The following SCUBE1 variants were observed in gnomAD, a reference collection of about 807,000 sequenced individuals.
The protein encoded by SCUBE1 is signal peptide, CUB domain and EGF like domain containing 1.
Under a neutral mutation model 124.4 loss-of-function variants are expected in SCUBE1, and 59 were observed. The observed-to-expected ratio is 0.47, with a 90% CI of 0.38 to 0.59. The LOEUF is 0.59. Ranked by LOEUF, SCUBE1 falls within the 20% of genes least tolerant of loss-of-function variation. The pLI is 0.00. For missense variants in SCUBE1, 1,150 were observed against 1,371.2 expected (o/e 0.84, Z 2.55); for synonymous variants, 545 against 550.9 (o/e 0.99, Z 0.15).
Position 43,227,351 on chromosome 22 carries a change from A to G in SCUBE1, c.1207+23T>C, listed in dbSNP as rs766663561. The G allele has an allele frequency of 1.1e-5, 17 of 1,601,688 alleles. No homozygotes were observed. In the African/African-American group the frequency reaches 2.1e-4, roughly 20 times the overall value. On this transcript the variant is annotated intron_variant, in intron 10 of 21. Coordinates refer to ENST00000360835, the MANE Select transcript of SCUBE1 (RefSeq NM_173050.5). ...CAAGCCCAGGTGCAGGGGAGGGGCC[A>G]GCAGCACAGGGCGGCCACCTACCCA...
rs1359955278 is a variant in SCUBE1 at position 43,198,165 on chromosome 22, A to C, written c.*5832T>G. ...GGGGGATGGAATGTGTGGATATTAG[A>C]GGGTTGAGCCCAGAGCCTGGCACCC... On this transcript the variant is annotated 3_prime_UTR_variant, in exon 22 of 22. Transcript: ENST00000360835. 6 of 234,104 alleles carry C rather than the reference A, an allele frequency of 2.6e-5. No individual in the cohort carries two copies. The highest frequency in any genetic ancestry group is 4.5e-5 in the African/African-American group (2 of 44,018). The allele number at this position is 234,104 out of a possible 1,614,324, so 14.5% of individuals were successfully genotyped here. A position where few individuals can be genotyped will look rare whatever the true frequency, so the allele number is the denominator to read the frequency against.
At chr22:43,314,448 T>C (rs900734773) in intron 3 of SCUBE1, among the ~76,000 whole-genome samples, 5 of 151,640 alleles carry the variant, frequency 3.3e-5, no homozygotes, top group Admixed American at 1.3e-4. Context: ...ACTTTGGGGG[T>C]CCCTGTTCTG....
chr22:43,342,741 C>A (rs1927366546), intron 1 of SCUBE1, among the ~76,000 whole-genome samples: 1 of 152,052 alleles, frequency 6.6e-6, no homozygotes. Flanking sequence ...CACCTCCCGC[C>A]CCGTCCCGGT....
intron 9 of SCUBE1, 75 bp from the exon 10 acceptor site, chr22:43,227,571 G>A (rs1922375802): frequency 1.3e-6 from 2 of 1,562,518 alleles, no homozygotes; most frequent in South Asian, 2.3e-5. Flanking sequence ...ACCACCCAGG[G>A]CAAGAGGGCA....
rs147616473 is a variant in SCUBE1 at position 43,328,750 on chromosome 22, G to A, written c.221-8685C>T. ...ATTCGGTTTCATTCCCTTTCTCTCC[G>A]AATCCCCGGGTGGACTTCCTCTCCA... On this transcript the variant is annotated intron_variant, in intron 2 of 21. Transcript: ENST00000360835. Among the ~76,000 whole-genome samples the A allele has an allele frequency of 4.2e-3, 638 of 152,164 alleles. 6 individuals are homozygous for A. Among genetic ancestry groups the A allele is most frequent in the African/African-American group, 0.014 (600 of 41,500 alleles).
chr22:43,246,660 C>G (rs1923224530), intron 6 of SCUBE1, among the ~76,000 whole-genome samples: 1 of 152,234 alleles, frequency 6.6e-6, no homozygotes, highest in African/African-American at 2.4e-5. Context: ...GAACATTGAA[C>G]ATGTCTGGTT....
At chr22:43,209,801 C>A (rs1043386056) in intron 19 of SCUBE1, among the ~76,000 whole-genome samples, 3 of 152,236 alleles carry the variant, frequency 2.0e-5, no homozygotes, top group Non-Finnish European at 2.9e-5. Flanking sequence ...CATGTCCCAG[C>A]ATCCACTCTC....
chr22:43,334,584 C>T (rs1226575403), intron 2 of SCUBE1, among the ~76,000 whole-genome samples: 1 of 151,506 alleles, frequency 6.6e-6, no homozygotes, highest in Non-Finnish European at 1.5e-5. Context: ...TCACCCTCAT[C>T]AACAGCACCA....
rs2146639667 is a variant in SCUBE1, at chr22:43,198,783, G to A, written c.*5214C>T. 2.2e-6 allele frequency: 1 copy of A among 449,026 alleles called. No individual in the cohort carries two copies. The highest frequency in any genetic ancestry group is 7.0e-5 in the East Asian group (1 of 14,304). The allele number at this position is 449,026 out of a possible 1,614,324, so 27.8% of individuals were successfully genotyped here. A position where few individuals can be genotyped will look rare whatever the true frequency, so the allele number is the denominator to read the frequency against. On this transcript the variant is annotated 3_prime_UTR_variant, in exon 22 of 22. Transcript: ENST00000360835. ...GGGCATGCACTGTGGCAGGCAAGGT[G>A]AGCAGGCTGTCCAGGGCAGCTTGTC...
chr22:43,269,364 C>T (rs763345626), intron 4 of SCUBE1, among the ~76,000 whole-genome samples: 11 of 152,282 alleles, frequency 7.2e-5, no homozygotes, highest in African/African-American at 2.4e-4. Context: ...CGAGCCAGTG[C>T]GTACATCACA....
intron 3 of SCUBE1, among the ~76,000 whole-genome samples, chr22:43,295,580 C>A (rs1347609965): frequency 6.6e-6 from 1 of 152,222 alleles, no homozygotes; most frequent in Admixed American, 6.5e-5. Flanking sequence ...TGTGAGTGGG[C>A]TCTCATAGCC....
intron 3 of SCUBE1, among the ~76,000 whole-genome samples, chr22:43,304,109 T>C (rs1925876100): frequency 6.6e-6 from 1 of 152,190 alleles, no homozygotes; most frequent in Non-Finnish European, 1.5e-5. Context: ...AGAAGTGGGA[T>C]TCCTGGGTCA....
At chr22:43,221,933 G>A (rs959126688) in intron 12 of SCUBE1, among the ~76,000 whole-genome samples, 2 of 152,062 alleles carry the variant, frequency 1.3e-5, no homozygotes, top group Non-Finnish European at 2.9e-5. Context: ...GTGTGGTGAT[G>A]GGCACCTGTA....
At chr22:43,235,361 G>A (rs535066145) in intron 7 of SCUBE1, among the ~76,000 whole-genome samples, 45 of 152,242 alleles carry the variant, frequency 3.0e-4, no homozygotes, top group African/African-American at 1.1e-3. Context: ...GACCATGTAG[G>A]GGAGGGCTTC....
At chr22:43,291,374 A>T (rs1267895661) in intron 3 of SCUBE1, among the ~76,000 whole-genome samples, 194 bp from the exon 4 acceptor site, 2 of 152,168 alleles carry the variant, frequency 1.3e-5, no homozygotes, top group Non-Finnish European at 2.9e-5. Flanking sequence ...CCATGGTGGC[A>T]CTCTACAGTG....
chr22:43,277,474 C>G (rs1036107413), intron 4 of SCUBE1, among the ~76,000 whole-genome samples: 1 of 152,272 alleles, frequency 6.6e-6, no homozygotes, highest in East Asian at 1.9e-4. Context: ...GAGACAGGGG[C>G]TCCTTGTGTC....
chr22:43,280,447 GTCC>G (rs1350482477), intron 4 of SCUBE1, among the ~76,000 whole-genome samples: 12 of 64,582 alleles, frequency 1.9e-4, no homozygotes, highest in African/African-American at 1.0e-3. Flanking sequence ...CCATCCCCCT[GTCC>G]CTTCCCCTCA....
chr22:43,339,214 C>A lies in SCUBE1; in HGVS notation c.110G>T (p.Cys37Phe). Residue 37 changes from cysteine (C) to phenylalanine (F), a missense_variant, in exon 2 of 22, where the codon TGC (cysteine) becomes TTC (phenylalanine). Physicochemically the swap from Cys to Phe is radical, Grantham distance 205 (BLOSUM62 -2). Coordinates refer to ENST00000360835, the MANE Select transcript of SCUBE1 (RefSeq NM_173050.5). ...GLPGSVDVDE[C>F]SEGTDDCHID... ...GTGGCAGTCATCTGTGCCCTCTGAG[C>A]ACTCATCCACGTCGACTGACCCTGT... 1 of 1,613,684 alleles carries A rather than the reference C, an allele frequency of 6.2e-7. No homozygotes were observed. The highest frequency in any genetic ancestry group is 8.5e-7 in the Non-Finnish European group (1 of 1,179,722).
intron 10 of SCUBE1, among the ~76,000 whole-genome samples, chr22:43,226,238 C>A (rs139009): frequency 0.76 from 114,849 of 151,878 alleles, 44,290 homozygotes; most frequent in African/African-American, 0.91. Context: ...GACAGACATA[C>A]ACCAACACGA....
Sources: gnomAD v4.1 joint callset for allele counts (sites outside exome capture counted in the v4.1 genomes callset) on GRCh38, gnomAD v4.1.1 for gene constraint, MANE v1.5 for transcripts, NCBI Gene and HGNC (gene_info 2026-07-23, HGNC 2026-07-21) for gene names.